Variants in NRXN3 observed in about 807,000 individuals in gnomAD.
The protein encoded by NRXN3 is neurexin 3.
A neutral mutation model predicts 137.6 loss-of-function variants in NRXN3; 32 were observed. That is an observed-to-expected ratio of 0.23 (90% CI 0.18 to 0.31). The LOEUF is 0.31. NRXN3 is among the 10% of genes least tolerant of loss of function. The probability of loss-of-function intolerance (pLI) is 1.00; values close to 1 mark genes in which losing one functional copy is unlikely to be tolerated. For synonymous variants in NRXN3, 798 were observed against 784.5 expected, an observed-to-expected ratio of 1.02 and a Z score of -0.29; for missense variants, 1,574 against 2,062.5, an observed-to-expected ratio of 0.76 and a Z score of 4.59.
At chr14:78,554,489 T>C (rs1045052376) in intron 4 of NRXN3, among the ~76,000 whole-genome samples, 5 of 152,178 alleles carry the variant, frequency 3.3e-5, no homozygotes, top group African/African-American at 1.2e-4. Context: ...ATCTCAAGTG[T>C]GTCTCTGAGT....
At chr14:79,026,660 G>A (rs866482382) in intron 15 of NRXN3, among the ~76,000 whole-genome samples, 32 of 152,056 alleles carry the variant, frequency 2.1e-4, no homozygotes, top group African/African-American at 7.5e-4. Context: ...TGAGTGGAAA[G>A]GAAATCTCTG....
At chr14:79,299,275 C>T (rs1490865264) in intron 15 of NRXN3, among the ~76,000 whole-genome samples, 1 of 151,852 alleles carries the variant, frequency 6.6e-6, no homozygotes, top group South Asian at 2.1e-4. Context: ...GAATCACAGC[C>T]ATGTAGAGGA....
chr14:79,455,934 C>T (rs2096251822), intron 15 of NRXN3, among the ~76,000 whole-genome samples: 3 of 151,860 alleles, frequency 2.0e-5, no homozygotes, highest in East Asian at 1.9e-4. Context: ...GGTGAAAGTT[C>T]AGTTTATTTA....
At chr14:78,713,743 G>T (rs1008487430) in intron 7 of NRXN3, among the ~76,000 whole-genome samples, 2 of 152,210 alleles carry the variant, frequency 1.3e-5, no homozygotes, top group African/African-American at 4.8e-5. Flanking sequence ...GCAGGAGAGA[G>T]AGAAGTGCAG....
chr14:79,374,531 C>T (rs1373754269), intron 15 of NRXN3, among the ~76,000 whole-genome samples: 1 of 151,814 alleles, frequency 6.6e-6, no homozygotes, highest in East Asian at 1.9e-4. Context: ...AAAATTAATC[C>T]TGCATAATGT....
chr14:78,880,735 A>T (rs1219310288), intron 10 of NRXN3, among the ~76,000 whole-genome samples: 1 of 152,174 alleles, frequency 6.6e-6, no homozygotes, highest in Non-Finnish European at 1.5e-5. Context: ...ACAAGCAGGA[A>T]GCTATTGTGT....
intron 15 of NRXN3, among the ~76,000 whole-genome samples, chr14:79,135,150 C>A (rs1191787714): frequency 1.3e-5 from 2 of 151,998 alleles, no homozygotes; most frequent in Non-Finnish European, 2.9e-5. Flanking sequence ...TAGTTTAGAG[C>A]AAATTTTCTC....
intron 4 of NRXN3, among the ~76,000 whole-genome samples, chr14:78,581,745 T>A (rs74797882): frequency 0.033 from 5,073 of 152,338 alleles, 104 homozygotes; most frequent in African/African-American, 0.051. Context: ...TGCACATACA[T>A]ACATTGAAAA....
intron 15 of NRXN3, among the ~76,000 whole-genome samples, chr14:79,276,709 T>TAAA (rs757712972): frequency 8.2e-6 from 1 of 122,026 alleles, no homozygotes; most frequent in African/African-American, 3.0e-5. Context: ...CAATGCCAAT[T>TAAA]AAAAAAAAAA....
At chr14:78,308,094 T>TG (rs5809874) in intron 4 of NRXN3, among the ~76,000 whole-genome samples, 9 of 69,350 alleles carry the variant, frequency 1.3e-4, no homozygotes, top group Non-Finnish European at 2.9e-4. Flanking sequence ...CATTTTCTTG[T>TG]TTTTTTTTTA....
intron 5 of NRXN3, among the ~76,000 whole-genome samples, chr14:78,646,035 CCT>C (rs1290204569): frequency 3.3e-5 from 5 of 151,784 alleles, no homozygotes; most frequent in African/African-American, 4.8e-5. Flanking sequence ...CTCTATTGCC[CCT>C]GTCTCTCCCT....
At chr14:78,844,545 C>A (rs988726287) in intron 10 of NRXN3, among the ~76,000 whole-genome samples, 5 of 152,010 alleles carry the variant, frequency 3.3e-5, no homozygotes, top group Non-Finnish European at 7.4e-5. Context: ...AGAATAATAA[C>A]GCCTAATTTA....
intron 10 of NRXN3, among the ~76,000 whole-genome samples, chr14:78,888,987 A>T (rs570429169): frequency 6.6e-6 from 1 of 151,940 alleles, no homozygotes; most frequent in Admixed American, 6.6e-5. Context: ...CATCTATAAG[A>T]TGGGAGATAT....
rs577663141 is a variant in NRXN3, at chr14:79,353,102, T to C, written c.3263-114119T>C. Among the ~76,000 whole-genome samples the C allele has an allele frequency of 5.9e-5, 9 of 152,240 alleles. No homozygotes were observed. The South Asian group carries it at 1.7e-3, about 28-fold the overall frequency. On this transcript the variant is annotated intron_variant, in intron 15 of 20. Coordinates refer to ENST00000335750, the MANE Select transcript of NRXN3 (RefSeq NM_001330195.2). ...AGTAAAAGTAGCTATTTTTTCTCTA[T>C]GTTATGCAATATTTGGAATCAAATA...
At chr14:78,831,548 A>C (rs1419092556) in intron 10 of NRXN3, among the ~76,000 whole-genome samples, 22 of 150,012 alleles carry the variant, frequency 1.5e-4, no homozygotes, top group Non-Finnish European at 2.1e-4. Flanking sequence ...AAAAAAAAAA[A>C]AAAAAAAAAA....
intron 16 of NRXN3, among the ~76,000 whole-genome samples, chr14:79,613,113 T>A (rs532868205): frequency 5.3e-5 from 8 of 152,300 alleles, no homozygotes; most frequent in African/African-American, 9.6e-5. Context: ...GTACTATGAA[T>A]GTAGTGGTTG....
chr14:79,802,527 C>T (rs528522988), intron 19 of NRXN3, among the ~76,000 whole-genome samples: 20 of 152,222 alleles, frequency 1.3e-4, no homozygotes, highest in Admixed American at 2.0e-4. Flanking sequence ...TTAAGATTGT[C>T]CCTCAGCCCA....
At chr14:79,491,655 G>A (rs1212868494) in intron 16 of NRXN3, among the ~76,000 whole-genome samples, 1 of 120,258 alleles carries the variant, frequency 8.3e-6, no homozygotes, top group Non-Finnish European at 1.8e-5. Flanking sequence ...AAATAAAAAA[G>A]TGTGTGTGTG....
At chr14:78,835,023 A>G (rs1285731193) in intron 10 of NRXN3, among the ~76,000 whole-genome samples, 1 of 152,046 alleles carries the variant, frequency 6.6e-6, no homozygotes, top group Middle Eastern at 3.2e-3. Flanking sequence ...CCTAGCCTTA[A>G]TCACCTTCTC....
Sources: gnomAD v4.1 joint callset for allele counts (sites outside exome capture counted in the v4.1 genomes callset) on GRCh38, gnomAD v4.1.1 for gene constraint, MANE v1.5 for transcripts, NCBI Gene and HGNC (gene_info 2026-07-23, HGNC 2026-07-21) for gene names.